The following NCAM2 variants were observed in gnomAD, a reference collection of about 807,000 sequenced individuals.
The protein encoded by NCAM2 is neural cell adhesion molecule 2, also known as N-CAM-2.
Under a neutral mutation model 98.1 loss-of-function variants are expected in NCAM2, and 30 were observed. That is an observed-to-expected ratio of 0.31 (90% CI 0.23 to 0.41). NCAM2 has a LOEUF of 0.41. Among genes scored for constraint, NCAM2 ranks in the 10% least tolerant of loss-of-function variants. The pLI is 1.00. For missense variants in NCAM2, 867 were observed against 1,005.8 expected (o/e 0.86, Z 1.87); for synonymous variants, 368 against 342.4 (o/e 1.07, Z -0.83).
intron 1 of NCAM2, among the ~76,000 whole-genome samples, chr21:21,167,095 G>C (rs946340909): frequency 6.6e-6 from 1 of 152,040 alleles, no homozygotes; most frequent in African/African-American, 2.4e-5. Context: ...TTATGTAAAT[G>C]GCTTTCTAGA....
intron 1 of NCAM2, among the ~76,000 whole-genome samples, chr21:21,217,810 A>C (rs1173081350): frequency 6.6e-6 from 1 of 152,142 alleles, no homozygotes; most frequent in Admixed American, 6.5e-5. Context: ...GGAGGGAGTC[A>C]AAAGTAAGAG....
intron 1 of NCAM2, among the ~76,000 whole-genome samples, chr21:21,192,260 A>T (rs572337092): frequency 6.6e-6 from 1 of 151,896 alleles, no homozygotes; most frequent in African/African-American, 2.4e-5. Context: ...CTAAAAAAAA[A>T]CCCGATGAGA....
intron 10 of NCAM2, among the ~76,000 whole-genome samples, chr21:21,415,537 G>C (rs545535733): frequency 6.6e-6 from 1 of 151,532 alleles, no homozygotes; most frequent in African/African-American, 2.4e-5. Flanking sequence ...GGGTTTCACC[G>C]TGTTAGCCAG....
At chr21:21,390,071 A>G (rs972194941) in intron 9 of NCAM2, among the ~76,000 whole-genome samples, 1 of 152,078 alleles carries the variant, frequency 6.6e-6, no homozygotes, top group Non-Finnish European at 1.5e-5. Flanking sequence ...GATGGTCTCT[A>G]TCTCTTGACC....
intron 1 of NCAM2, among the ~76,000 whole-genome samples, chr21:21,040,953 A>G (rs1244209066): frequency 6.6e-6 from 1 of 152,138 alleles, no homozygotes; most frequent in East Asian, 1.9e-4. Flanking sequence ...TCAATGCCAA[A>G]TGTTTGAGGG....
chr21:21,266,875 A>C (rs2072303087), intron 1 of NCAM2, among the ~76,000 whole-genome samples: 1 of 152,188 alleles, frequency 6.6e-6, no homozygotes. Flanking sequence ...TATAATAAAA[A>C]ATAATAATAA....
Position 21,254,949 on chromosome 21 carries a change from ATGTGTGTGTGTG to A in NCAM2, c.56-25609_56-25598del, listed in dbSNP as rs58330278. Reference sequence around the variant, plus strand: ...GTATGTGTACCCACATAGCATATCTATGTGTGTGTGTGTGTGTGTGTGTGTGTGTGTATAATG... The same window carrying A: ...GTATGTGTACCCACATAGCATATCTATGTGTGTGTGTGTGTGTGTATAATG... On this transcript the variant is annotated intron_variant, in intron 1 of 17. Coordinates refer to ENST00000400546, the MANE Select transcript of NCAM2 (RefSeq NM_004540.5). 2.4e-3 allele frequency among the ~76,000 whole-genome samples: 357 copies of A among 148,382 alleles called. 2 individuals carry two copies. Among genetic ancestry groups the A allele is most frequent in the South Asian group, 0.013 (59 of 4,676 alleles).
In NCAM2 at chr21:21,390,081, C is replaced by A. The variant is rs1027803682; in HGVS notation, c.1195+16068C>A. On this transcript the variant is annotated intron_variant, in intron 9 of 17. Transcript: ENST00000400546. ...ACCAGGATGGTCTCTATCTCTTGAC[C>A]TCATGATCCACCCTCCTCGGCCTCC... Among the ~76,000 whole-genome samples, 37 of 152,230 alleles carry A rather than the reference C, an allele frequency of 2.4e-4. 1 individual carries two copies. The highest frequency in any genetic ancestry group is 2.4e-3 in the Admixed American group (37 of 15,296).
At chr21:21,478,754 G>A (rs1410098067) in intron 15 of NCAM2, among the ~76,000 whole-genome samples, 2 of 151,990 alleles carry the variant, frequency 1.3e-5, no homozygotes, top group Admixed American at 6.6e-5. Flanking sequence ...CATTGATTAT[G>A]TCATTTTATT....
intron 1 of NCAM2, among the ~76,000 whole-genome samples, chr21:21,057,412 CA>C (rs1274521591): frequency 6.6e-6 from 1 of 152,110 alleles, no homozygotes; most frequent in Non-Finnish European, 1.5e-5. Flanking sequence ...CATGTAATGA[CA>C]CTTCCATTTT....
At chr21:21,078,676 C>T (rs951582224) in intron 1 of NCAM2, among the ~76,000 whole-genome samples, 2 of 152,116 alleles carry the variant, frequency 1.3e-5, no homozygotes, top group Non-Finnish European at 2.9e-5. Context: ...CCAGCAATCC[C>T]ATCACTGGGT....
chr21:21,350,448 A>C (rs2075304404), intron 8 of NCAM2, among the ~76,000 whole-genome samples: 1 of 152,138 alleles, frequency 6.6e-6, no homozygotes, highest in African/African-American at 2.4e-5. Context: ...ATAGAATTAT[A>C]TTATTTCACA....
At chr21:21,518,637 A>G (rs902221345) in intron 16 of NCAM2, among the ~76,000 whole-genome samples, 1 of 151,288 alleles carries the variant, frequency 6.6e-6, no homozygotes, top group Non-Finnish European at 1.5e-5. Context: ...ATCATTACAT[A>G]TACTATATAT....
chr21:21,275,353 T>G (rs1319923612), intron 1 of NCAM2, among the ~76,000 whole-genome samples: 1 of 151,706 alleles, frequency 6.6e-6, no homozygotes, highest in East Asian at 1.9e-4. Context: ...GGCAGGAGAA[T>G]GGCGTGAACC....
At chr21:21,152,460 G>A (rs1037518452) in intron 1 of NCAM2, among the ~76,000 whole-genome samples, 12 of 151,768 alleles carry the variant, frequency 7.9e-5, no homozygotes, top group South Asian at 2.1e-4. Flanking sequence ...GTTGGTCGTC[G>A]TGATTATCAT....
At chr21:21,208,969 AT>A (rs555893187) in intron 1 of NCAM2, among the ~76,000 whole-genome samples, 56 of 151,216 alleles carry the variant, frequency 3.7e-4, no homozygotes, top group East Asian at 1.7e-3. Flanking sequence ...GAACAGGATC[AT>A]TTTTTTTTAA....
rs555047608 is a variant in NCAM2 at position 21,502,434 on chromosome 21, A to G, written c.2078-6417A>G. 1.8e-3 allele frequency among the ~76,000 whole-genome samples: 267 copies of G among 152,072 alleles called. 2 individuals are homozygous for G. Among genetic ancestry groups the G allele is most frequent in the African/African-American group, 6.3e-3 (260 of 41,556 alleles). On this transcript the variant is annotated intron_variant, in intron 15 of 17. Transcript: ENST00000400546. ...CAAAAGTATTGTTGAATTCATGTCT[A>G]TTGACCTTAATCTACAAAGCAAACT...
At chr21:21,080,433 A>G (rs923333062) in intron 1 of NCAM2, among the ~76,000 whole-genome samples, 2 of 151,972 alleles carry the variant, frequency 1.3e-5, no homozygotes, top group East Asian at 3.9e-4. Flanking sequence ...CCTGACCAAC[A>G]TGGAGAAACC....
chr21:21,205,091 A>C (rs1212529913), intron 1 of NCAM2, among the ~76,000 whole-genome samples: 1 of 152,206 alleles, frequency 6.6e-6, no homozygotes, highest in Non-Finnish European at 1.5e-5. Context: ...ACATGTGCAC[A>C]CAAGAAAGAG....
Sources: allele counts gnomAD v4.1 joint callset (sites outside exome capture counted in the v4.1 genomes callset), GRCh38; gene constraint gnomAD v4.1.1; transcripts MANE v1.5; gene names NCBI Gene and HGNC (gene_info 2026-07-23, HGNC 2026-07-21).